The following ARF5 variants were observed in gnomAD, a reference collection of about 807,000 sequenced individuals.
ARF5 encodes the protein ADP-ribosylation factor 5.
Under a neutral mutation model 24.8 loss-of-function variants are expected in ARF5, and 10 were observed. The ratio of observed to expected loss-of-function variants is 0.40; its 90% CI spans 0.25 to 0.68. The LOEUF (loss-of-function observed/expected upper bound fraction) is 0.68. ARF5 is among the 30% of genes least tolerant of loss of function. The probability of loss-of-function intolerance (pLI) is 0.36; values close to 1 mark genes in which losing one functional copy is unlikely to be tolerated. For missense variants in ARF5, 135 were observed against 239.2 expected (o/e 0.56, Z 2.87); for synonymous variants, 102 against 95.1 (o/e 1.07, Z -0.42).
At chr7:127,589,196 G>A in intron 2 of ARF5, 33 bp downstream of exon 2, 2 of 1,610,146 alleles carry the variant, frequency 1.2e-6, no homozygotes, top group African/African-American at 2.7e-5. Flanking sequence ...GAGCGGGAGC[G>A]CCGCGGCGGG....
Position 127,589,096 on chromosome 7 carries a change from G to T in ARF5, c.81G>T (p.Ala27=), listed in dbSNP as rs762316152. 3.1e-6 allele frequency: 5 copies of T among 1,614,106 alleles called. No homozygotes were observed. In the African/African-American group the frequency reaches 4.0e-5, roughly 13 times the overall value. ...QMRILMVGLD[A]AGKTTILYKL... ...TTTCCGTTGCAGTTGGCTTGGATGC[G>T]GCTGGCAAGACCACAATCCTGTACA... is the stretch of plus-strand genomic sequence containing the variant. The change falls in exon 2 of 6, where the codon GCG becomes GCT. Residue 27 remains alanine, a synonymous_variant. Transcript: ENST00000000233.
intron 4 of ARF5, 148 bp from the exon 5 acceptor site, chr7:127,590,815 A>C: frequency 2.8e-6 from 3 of 1,080,616 alleles, no homozygotes; most frequent in Non-Finnish European, 3.9e-6. Context: ...AGGTCACCTC[A>C]AGCTCATTTA....
intron 1 of ARF5, 93 bp downstream of exon 1, chr7:127,588,658 C>A: frequency 8.4e-7 from 1 of 1,192,364 alleles, no homozygotes; most frequent in Non-Finnish European, 1.1e-6. Flanking sequence ...TCACCTGGGT[C>A]TCTGGCCCCG....
At chr7:127,588,767 G>A in intron 1 of ARF5, 1 of 600,854 alleles carries the variant, frequency 1.7e-6, no homozygotes, top group South Asian at 2.6e-5. Flanking sequence ...GCGGGCCTGG[G>A]TGGGGTGAAG....
chr7:127,591,040 G>A lies in ARF5; in HGVS notation c.408G>A (p.Val136=). Residue 136 remains valine (V), a synonymous_variant, in exon 5 of 6, where the codon GTG becomes GTA. Coordinates refer to ENST00000000233, the MANE Select transcript of ARF5 (RefSeq NM_001662.4). ...NKQDMPNAMP[V]SELTDKLGLQ... ...AGGACATGCCCAACGCCATGCCCGT[G>A]AGCGAGCTGACTGACAAGCTGGGGC... 1 of 1,614,110 alleles carries A rather than the reference G, an allele frequency of 6.2e-7. No individual in the cohort carries two copies. The highest frequency in any genetic ancestry group is 8.5e-7 in the Non-Finnish European group (1 of 1,180,018).
intron 3 of ARF5, 79 bp downstream of exon 3, chr7:127,589,673 T>G (rs545388471): frequency 6.5e-6 from 8 of 1,233,078 alleles, no homozygotes; most frequent in Middle Eastern, 2.4e-4. Context: ...TGGCCTAGGC[T>G]GGGCCCCCAG....
intron 1 of ARF5, chr7:127,588,808 G>A: frequency 1.7e-6 from 1 of 580,182 alleles, no homozygotes; most frequent in Non-Finnish European, 3.0e-6. Flanking sequence ...CTGGTAAGAA[G>A]GGAGGATTCC....
chr7:127,591,443 A>C lies in ARF5; in HGVS notation c.*144A>C. 1.5e-6 allele frequency: 1 copy of C among 680,564 alleles called. No individual in the cohort carries two copies. Among genetic ancestry groups the C allele is most frequent in the South Asian group, 2.1e-5 (1 of 47,408 alleles). The allele number at this position is 680,564 out of a possible 1,614,324, so 42.2% of individuals were successfully genotyped here. On this transcript the variant is annotated 3_prime_UTR_variant, in exon 6 of 6. Coordinates refer to ENST00000000233, the MANE Select transcript of ARF5 (RefSeq NM_001662.4). ...GGCCTCTGCTCCTGCTCCTGCCTGC[A>C]TGTTCTCTCTGTTGTTGGAGCCTGG...
At position 127,590,961 on chromosome 7, in the gene ARF5, A is replaced by G; in HGVS notation, c.331-2A>G. 1 of 1,612,328 alleles carries G rather than the reference A, an allele frequency of 6.2e-7. No individual in the cohort carries two copies. Among genetic ancestry groups the G allele is most frequent in the Non-Finnish European group, 8.5e-7 (1 of 1,178,936 alleles). On this transcript the variant is annotated splice_acceptor_variant, in intron 4 of 5. Transcript: ENST00000000233. LOFTEE classifies it high-confidence loss of function. ...GTCCCACCTTCTCTTCTCCTCTCTC[A>G]GCTGCAGGAGGACGAGCTGCGGGAT...
In ARF5 at chr7:127,589,577, T is replaced by G; in HGVS notation, c.241T>G (p.Tyr81Asp). 6.2e-7 allele frequency: 1 copy of G among 1,613,618 alleles called. No individual in the cohort carries two copies. Among genetic ancestry groups the G allele is most frequent in the Non-Finnish European group, 8.5e-7 (1 of 1,179,600 alleles). The change falls in exon 3 of 6, where the codon TAC becomes GAC. Residue 81 changes from tyrosine (Y) to aspartate (D), a missense_variant. This residue lies in a region of ARF5 where 102 missense variants were observed against 160.9 expected (regional missense o/e 0.63). Transcript: ENST00000000233. ...CAAGATTCGGCCTCTGTGGCGGCAC[T>G]ACTTCCAGAACACTCAGGTGGAGTG... ...QDKIRPLWRHYFQNTQGLIFV... is the reference protein window; with the variant it reads ...QDKIRPLWRHDFQNTQGLIFV...
intron 1 of ARF5, chr7:127,588,867 C>A (rs1794242477): frequency 3.3e-6 from 2 of 604,798 alleles, no homozygotes; most frequent in Non-Finnish European, 5.7e-6. Context: ...TCCCGTGCCC[C>A]TTGCCTCCCA....
At chr7:127,588,961 C>T (rs1794245019) in intron 1 of ARF5, 122 bp from the exon 2 acceptor site, 3 of 1,163,548 alleles carry the variant, frequency 2.6e-6, no homozygotes, top group Non-Finnish European at 2.5e-6. Flanking sequence ...TAACGACGCG[C>T]ACCTGGAGGC....
chr7:127,588,915 A>C, intron 1 of ARF5, 168 bp from the exon 2 acceptor site: 3 of 753,094 alleles, frequency 4.0e-6, no homozygotes, highest in Non-Finnish European at 6.5e-6. Flanking sequence ...GAGTTGGCTC[A>C]CGCCACCCGA....
At position 127,591,304 on chromosome 7, in the gene ARF5, C is replaced by G; in HGVS notation, c.*5C>G. The stretch of plus-strand genomic sequence containing the variant: ...CACGAGCTGTCAAAGCGCTAACCAG[C>G]CAGGGGCAGGCCCCTGATGCCCGGA... On this transcript the variant is annotated 3_prime_UTR_variant, in exon 6 of 6. Transcript: ENST00000000233. 9 of 1,587,716 alleles carry G rather than the reference C, an allele frequency of 5.7e-6. No individual in the cohort carries two copies. Among genetic ancestry groups the G allele is most frequent in the Non-Finnish European group, 7.7e-6 (9 of 1,170,224 alleles).
At chr7:127,588,977 C>G (rs868567423) in intron 1 of ARF5, 106 bp from the exon 2 acceptor site, 15 of 1,353,318 alleles carry the variant, frequency 1.1e-5, no homozygotes, top group South Asian at 8.5e-5. Flanking sequence ...GAGGCGCTCC[C>G]GCTCTCCGCC....
At chr7:127,588,895 G>A in intron 1 of ARF5, 188 bp from the exon 2 acceptor site, 1 of 667,588 alleles carries the variant, frequency 1.5e-6, no homozygotes, top group Middle Eastern at 3.3e-4. Context: ...CCCGCTCCGC[G>A]CCCTCTTTGG....
chr7:127,590,452 C>A (rs185768204), intron 4 of ARF5, among the ~76,000 whole-genome samples: 148 of 152,244 alleles, frequency 9.7e-4, no homozygotes, highest in African/African-American at 3.4e-3. Flanking sequence ...CCTGCCTCAG[C>A]CTCCCAAGTA....
intron 1 of ARF5, chr7:127,588,876 C>G: frequency 1.6e-6 from 1 of 627,178 alleles, no homozygotes; most frequent in Non-Finnish European, 2.7e-6. Context: ...CCTTGCCTCC[C>G]AGTCCTCTCC....
chr7:127,589,070 C>T lies in ARF5; in HGVS notation c.68-13C>T, dbSNP rs996505174. 2.5e-6 allele frequency: 4 copies of T among 1,614,228 alleles called. No individual in the cohort carries two copies. The highest frequency in any genetic ancestry group is 1.6e-4 in the Middle Eastern group (1 of 6,062). On this transcript the variant is annotated splice_polypyrimidine_tract_variant and intron_variant, in intron 1 of 5. Transcript: ENST00000000233. Reference sequence around the variant, plus strand: ...CGCTCCCATCTCCATCCCTGTGCCCCTTTCCGTTGCAGTTGGCTTGGATGC... The same window carrying T: ...CGCTCCCATCTCCATCCCTGTGCCCTTTTCCGTTGCAGTTGGCTTGGATGC...
Sources: gnomAD v4.1 joint callset for allele counts (sites outside exome capture counted in the v4.1 genomes callset) on GRCh38, gnomAD v4.1.1 for gene constraint, gnomAD v4.1.1 regional missense constraint, MANE v1.5 for transcripts, NCBI Gene and HGNC (gene_info 2026-07-23, HGNC 2026-07-21) for gene names.